FAM193A: variants seen among roughly 807,000 people sequenced by gnomAD.
The protein encoded by FAM193A is family with sequence similarity 193 member A.
FAM193A carries 22 observed loss-of-function variants against 126.5 expected under a neutral mutation model. The ratio of observed to expected loss-of-function variants is 0.17; its 90% CI spans 0.12 to 0.25. The LOEUF (loss-of-function observed/expected upper bound fraction) is 0.25. FAM193A is among the 10% of genes least tolerant of loss of function. The pLI is 1.00. For synonymous variants in FAM193A, 761 were observed against 646.8 expected (o/e 1.18, Z -2.68); for missense variants, 1,675 against 1,672.8 (o/e 1.00, Z -0.02).
chr4:2,662,987 A>G lies in FAM193A; in HGVS notation c.1895A>G (p.Asp632Gly). 1 of 1,612,458 alleles carries G rather than the reference A, an allele frequency of 6.2e-7. No homozygotes were observed. Among genetic ancestry groups the G allele is most frequent in the Non-Finnish European group, 8.5e-7 (1 of 1,178,576 alleles). Residue 632 changes from aspartate (D) to glycine (G), a missense_variant, in exon 11 of 21, where the codon GAT (aspartate) becomes GGT (glycine). This residue lies in a region of FAM193A where 1,186 missense variants were observed against 1,109.2 expected (regional missense o/e 1.07). Transcript: ENST00000637812. The part of the protein sequence containing the change: ...NGGGENMALK[D>G]ESPQISSTSS... Reference sequence around the variant, plus strand: ...GGCGGGGAAAACATGGCCCTGAAGGATGAGGTATGGACATGGCTTCTTCGT... The same window carrying G: ...GGCGGGGAAAACATGGCCCTGAAGGGTGAGGTATGGACATGGCTTCTTCGT...
At chr4:2,649,949 C>A (rs531046522) in intron 7 of FAM193A, among the ~76,000 whole-genome samples, 5 of 152,310 alleles carry the variant, frequency 3.3e-5, no homozygotes, top group African/African-American at 1.2e-4. Flanking sequence ...TAGATCCTCA[C>A]AGAAGCATGA....
chr4:2,700,895 G>A (rs1717648416), intron 19 of FAM193A, among the ~76,000 whole-genome samples: 1 of 152,140 alleles, frequency 6.6e-6, no homozygotes, highest in African/African-American at 2.4e-5. Context: ...AACCCAGGAG[G>A]CAGAGATTGC....
At chr4:2,692,423 G>T in intron 15 of FAM193A, among the ~76,000 whole-genome samples, 1 of 152,202 alleles carries the variant, frequency 6.6e-6, no homozygotes, top group South Asian at 2.1e-4. Context: ...ATTTGTGTGG[G>T]GACACAACCA....
chr4:2,607,893 T>G (rs1393849980), intron 2 of FAM193A: 1 of 905,412 alleles, frequency 1.1e-6, no homozygotes, highest in Non-Finnish European at 1.7e-6. Flanking sequence ...ATTGCCTGTT[T>G]CTTTTTTGTC....
chr4:2,676,884 T>C (rs1228925633), intron 13 of FAM193A, among the ~76,000 whole-genome samples: 2 of 151,716 alleles, frequency 1.3e-5, no homozygotes, highest in East Asian at 1.9e-4. Context: ...GAGCTTGCAG[T>C]GAGCCGAGAT....
intron 2 of FAM193A, among the ~76,000 whole-genome samples, chr4:2,613,840 C>A (rs1254719664): frequency 2.0e-5 from 3 of 149,522 alleles, no homozygotes; most frequent in Non-Finnish European, 3.0e-5. Flanking sequence ...AATCTTGGCT[C>A]ACTGCAACCT....
chr4:2,693,852 A>G lies in FAM193A; in HGVS notation c.3070A>G (p.Ser1024Gly). 6.2e-7 allele frequency: 1 copy of G among 1,614,098 alleles called. No individual in the cohort carries two copies. The highest frequency in any genetic ancestry group is 8.5e-7 in the Non-Finnish European group (1 of 1,179,960). The change falls in exon 16 of 21, where the codon AGC (serine) becomes GGC (glycine). Residue 1024 changes from serine (S) to glycine (G), a missense_variant. This residue lies in a region of FAM193A where 1,186 missense variants were observed against 1,109.2 expected (regional missense o/e 1.07). Transcript: ENST00000637812. ...PLPPATDGSISAPPSVCSDPD... is the reference protein window; with the variant it reads ...PLPPATDGSIGAPPSVCSDPD... ...ACCCCCGGCCACAGATGGCTCCATTAGCGCCCCTCCAAGTGTCTGCAGGTG... is the reference window on the plus strand; with the variant it reads ...ACCCCCGGCCACAGATGGCTCCATTGGCGCCCCTCCAAGTGTCTGCAGGTG...
intron 1 of FAM193A, among the ~76,000 whole-genome samples, chr4:2,572,144 G>A (rs1367270978): frequency 2.1e-5 from 3 of 140,060 alleles, no homozygotes; most frequent in East Asian, 4.5e-4. Context: ...CAGCCTGGGC[G>A]ACAAGGCCAG....
At chr4:2,611,035 C>G (rs1445770516) in intron 2 of FAM193A, among the ~76,000 whole-genome samples, 1 of 152,048 alleles carries the variant, frequency 6.6e-6, no homozygotes, top group Non-Finnish European at 1.5e-5. Context: ...CCGTGCCCGG[C>G]CGAGTATCAG....
intron 1 of FAM193A, among the ~76,000 whole-genome samples, chr4:2,566,367 TAGA>T (rs1287568674): frequency 6.6e-6 from 1 of 152,146 alleles, no homozygotes; most frequent in African/African-American, 2.4e-5. Flanking sequence ...TGCTTTTTGA[TAGA>T]AGGTTGCTGT....
intron 20 of FAM193A, among the ~76,000 whole-genome samples, chr4:2,721,900 G>A (rs902132200): frequency 3.9e-5 from 6 of 152,192 alleles, no homozygotes; most frequent in Non-Finnish European, 8.8e-5. Flanking sequence ...CAGTGAAGAC[G>A]AACAGACTGT....
intron 1 of FAM193A, among the ~76,000 whole-genome samples, chr4:2,590,969 C>G (rs1328274446): frequency 6.6e-6 from 1 of 151,032 alleles, no homozygotes; most frequent in Non-Finnish European, 1.5e-5. Context: ...GGAGGTTGCA[C>G]TGAGCCGAGA....
chr4:2,644,881 C>A (rs773855660), intron 6 of FAM193A, among the ~76,000 whole-genome samples: 2 of 152,066 alleles, frequency 1.3e-5, no homozygotes, highest in East Asian at 1.9e-4. Flanking sequence ...TATAGAAAAT[C>A]GTAAACAAAG....
At position 2,732,503 on chromosome 4, in the gene FAM193A, T is replaced by A. The variant is rs1249967125; in HGVS notation, c.*635T>A. On this transcript the variant is annotated 3_prime_UTR_variant, in exon 21 of 21. Transcript: ENST00000637812. ...ACGGAGGCCTGCCTGGCTACTTTTT[T>A]AACATATTGTTAAGTAATATTAAAA... The A allele has an allele frequency of 6.5e-6, 1 of 152,834 alleles. No homozygotes were observed. Among genetic ancestry groups the A allele is most frequent in the African/African-American group, 2.4e-5 (1 of 41,470 alleles). The allele number at this position is 152,834 out of a possible 1,614,324, so 9.5% of individuals were successfully genotyped here. A position where few individuals can be genotyped will look rare whatever the true frequency, so the allele number is the denominator to read the frequency against.
chr4:2,543,742 C>G (rs1326656798), intron 1 of FAM193A, among the ~76,000 whole-genome samples: 1 of 151,698 alleles, frequency 6.6e-6, no homozygotes, highest in African/African-American at 2.4e-5. Context: ...CCTGTAATCT[C>G]AGCTACTCAG....
intron 17 of FAM193A, 53 bp downstream of exon 17, chr4:2,695,182 C>T (rs1716895100): frequency 1.4e-6 from 2 of 1,453,684 alleles, no homozygotes; most frequent in African/African-American, 1.4e-5. Flanking sequence ...AACACACGGG[C>T]TCCTTTGCAG....
chr4:2,585,654 G>A (rs751668010), intron 1 of FAM193A, among the ~76,000 whole-genome samples: 11 of 152,062 alleles, frequency 7.2e-5, no homozygotes, highest in Non-Finnish European at 1.5e-4. Flanking sequence ...GGCTGGGCAT[G>A]GTGGTTCATG....
chr4:2,535,569 G>A (rs939059881), upstream of FAM193A, among the ~76,000 whole-genome samples: 1 of 152,260 alleles, frequency 6.6e-6, no homozygotes, highest in South Asian at 2.1e-4. Flanking sequence ...CCGCCGGCAG[G>A]GTCCCCCCGT....
chr4:2,639,386 T>G (rs749465525), intron 5 of FAM193A, among the ~76,000 whole-genome samples: 9 of 152,198 alleles, frequency 5.9e-5, no homozygotes, highest in Non-Finnish European at 1.0e-4. Context: ...CTGTAAGGGC[T>G]TTCATTACAT....
Sources: allele counts gnomAD v4.1 joint callset (sites outside exome capture counted in the v4.1 genomes callset), GRCh38; gene constraint gnomAD v4.1.1; regional missense constraint gnomAD v4.1.1; transcripts MANE v1.5; gene names NCBI Gene and HGNC (gene_info 2026-07-23, HGNC 2026-07-21).